The following MYH11 variants were observed in gnomAD, a reference collection of about 807,000 sequenced individuals.
MYH11 encodes the protein myosin heavy chain 11, also known as myosin-11.
In MYH11, 80 loss-of-function variants were observed where a neutral mutation model predicts 246.6. The observed-to-expected ratio is 0.32, with a 90% confidence interval of 0.27 to 0.39. The LOEUF (loss-of-function observed/expected upper bound fraction) is 0.39, where lower values mean the gene tolerates loss of function less well. Among genes scored for constraint, MYH11 ranks in the 10% least tolerant of loss-of-function variants. The pLI, the probability that MYH11 is intolerant of heterozygous loss-of-function variation, is 1.00. For synonymous variants in MYH11, 1,071 were observed against 1,015.5 expected (o/e 1.05, Z -1.04); for missense variants, 2,158 against 2,546.8 (o/e 0.85, Z 3.29).
intron 3 of MYH11, among the ~76,000 whole-genome samples, chr16:15,805,195 A>G (rs554197266): frequency 2.4e-4 from 36 of 152,304 alleles, no homozygotes; most frequent in African/African-American, 8.4e-4. Flanking sequence ...AACTATTTGC[A>G]TTGGTCATTT....
intron 16 of MYH11, among the ~76,000 whole-genome samples, chr16:15,749,008 A>T (rs59633415): frequency 0.058 from 8,861 of 152,080 alleles, 884 homozygotes; most frequent in African/African-American, 0.2. Context: ...GAGAAGGCCA[A>T]GCTCCAGAAA....
intron 27 of MYH11, among the ~76,000 whole-genome samples, chr16:15,727,556 A>G (rs998114377): frequency 1.3e-5 from 2 of 152,196 alleles, no homozygotes; most frequent in Non-Finnish European, 2.9e-5. Flanking sequence ...GAATCCCACA[A>G]GCGGTATCCA....
intron 2 of MYH11, among the ~76,000 whole-genome samples, chr16:15,837,178 G>C (rs1407602619): frequency 6.6e-6 from 1 of 152,140 alleles, no homozygotes; most frequent in Non-Finnish European, 1.5e-5. Flanking sequence ...GACAAGGAAG[G>C]CCTCCCTAAA....
intron 26 of MYH11, 121 bp downstream of exon 26, chr16:15,735,245 C>T (rs1271656437): frequency 3.8e-5 from 41 of 1,081,944 alleles, no homozygotes; most frequent in South Asian, 5.1e-5. Context: ...AAGCAAACCG[C>T]GGCCAGGAAG....
Position 15,723,473 on chromosome 16 carries a change from C to T in MYH11, c.4365+688G>A, listed in dbSNP as rs573064877. Among the ~76,000 whole-genome samples the T allele has an allele frequency of 1.0e-3, 157 of 152,154 alleles. 1 individual carries two copies. Among genetic ancestry groups the T allele is most frequent in the Non-Finnish European group, 1.9e-3 (126 of 68,006 alleles). On this transcript the variant is annotated intron_variant, in intron 31 of 40. Coordinates refer to ENST00000300036, the MANE Select transcript of MYH11 (RefSeq NM_002474.3). ...ACCAGCCTGGACAACATGGCAAAACCCCATCTCTACTAAAAATACAAAAAT... is the reference window on the plus strand; with the variant it reads ...ACCAGCCTGGACAACATGGCAAAACTCCATCTCTACTAAAAATACAAAAAT...
At chr16:15,716,682 C>G (rs907381107) in intron 38 of MYH11, among the ~76,000 whole-genome samples, 4 of 152,120 alleles carry the variant, frequency 2.6e-5, no homozygotes, top group Non-Finnish European at 4.4e-5. Flanking sequence ...CCACCACACT[C>G]GGCTAATTTT....
rs757920488 is a variant in MYH11, at chr16:15,842,762, CAAAAAAAAAAAAA to C, written c.-17-4506_-17-4494del. Among the ~76,000 whole-genome samples the C allele has an allele frequency of 9.3e-3, 183 of 19,682 alleles. 4 individuals carry two copies. The highest frequency in any genetic ancestry group is 0.033 in the East Asian group (14 of 422). 12.9% of individuals were successfully genotyped at this position (19,682 alleles called of 152,430 possible). ...CCAGGCAACAGAGCAAGACTTCATC[CAAAAAAAAAAAAA>C]AAAAAAAAAAAAAAAGGGCAGAGAA... On this transcript the variant is annotated intron_variant, in intron 1 of 40. Transcript: ENST00000300036.
intron 15 of MYH11, among the ~76,000 whole-genome samples, chr16:15,751,494 T>C (rs975851517): frequency 6.6e-6 from 1 of 150,484 alleles, no homozygotes; most frequent in Non-Finnish European, 1.5e-5. Context: ...ATCATCATCA[T>C]CACCTCCAAG....
chr16:15,760,021 T>C (rs1371833557), intron 11 of MYH11, among the ~76,000 whole-genome samples: 9 of 152,120 alleles, frequency 5.9e-5, no homozygotes, highest in African/African-American at 2.2e-4. Flanking sequence ...CGTTTGAATC[T>C]GGGAGGCAGA....
chr16:15,805,863 C>A (rs2042998144), intron 3 of MYH11, among the ~76,000 whole-genome samples: 1 of 152,096 alleles, frequency 6.6e-6, no homozygotes, highest in Admixed American at 6.6e-5. Flanking sequence ...TTGTAGTAAG[C>A]CACGACTGCA....
At chr16:15,710,788 C>T (rs912600439) in intron 40 of MYH11, among the ~76,000 whole-genome samples, 6 of 152,072 alleles carry the variant, frequency 3.9e-5, no homozygotes, top group Admixed American at 1.3e-4. Context: ...AAGGAGTGTC[C>T]TGTCTCAGCC....
intron 15 of MYH11, among the ~76,000 whole-genome samples, chr16:15,752,126 C>T (rs1161864919): frequency 1.3e-5 from 2 of 151,888 alleles, no homozygotes; most frequent in Non-Finnish European, 1.5e-5. Context: ...TTGAGAGTCT[C>T]ATCTCTCCCA....
chr16:15,747,614 G>T lies in MYH11; in HGVS notation c.2367C>A (p.Val789=). The T allele has an allele frequency of 6.2e-7, 1 of 1,614,130 alleles. No individual in the cohort carries two copies. Among genetic ancestry groups the T allele is most frequent in the South Asian group, 1.1e-5 (1 of 91,062 alleles). The change falls in exon 19 of 41, where the codon GTC becomes GTA. Residue 789 remains valine (V), a synonymous_variant. Transcript: ENST00000300036. The part of the protein sequence containing the change: ...EEERDLKITD[V]IMAFQAMCRG... ...GACACATCGCCTGGAAGGCCATGAT[G>T]ACATCGGTGATCTTCAAATCTCGCT...
chr16:15,760,680 C>T (rs1256215394), intron 10 of MYH11, 22 bp from the exon 11 acceptor site: 16 of 1,457,904 alleles, frequency 1.1e-5, no homozygotes, highest in East Asian at 2.3e-5. Context: ...AAAGAAACAT[C>T]GTGAGTGCAT....
At chr16:15,847,874 A>C (rs1006890030) in intron 1 of MYH11, among the ~76,000 whole-genome samples, 10 of 152,196 alleles carry the variant, frequency 6.6e-5, no homozygotes, top group African/African-American at 2.4e-4. Flanking sequence ...TTTCCATAGC[A>C]TGCCCCTTGG....
At chr16:15,827,100 A>T (rs147765708) in intron 2 of MYH11, among the ~76,000 whole-genome samples, 112 of 152,232 alleles carry the variant, frequency 7.4e-4, no homozygotes, top group African/African-American at 2.7e-3. Context: ...TGCCTGTCTA[A>T]ATAGCCATCA....
chr16:15,705,927 G>A (rs1177520881), intron 40 of MYH11, among the ~76,000 whole-genome samples: 1 of 137,008 alleles, frequency 7.3e-6, no homozygotes, highest in Admixed American at 8.0e-5. Flanking sequence ...GGAGCTTGCA[G>A]TGAGCCGAGA....
chr16:15,767,569 G>A (rs930154880), intron 9 of MYH11, among the ~76,000 whole-genome samples: 1 of 151,890 alleles, frequency 6.6e-6, no homozygotes, highest in African/African-American at 2.4e-5. Context: ...CTATCCTCCC[G>A]CCTCTGCCTC....
At chr16:15,705,404 C>T (rs1050427531) in intron 40 of MYH11, among the ~76,000 whole-genome samples, 8 of 152,108 alleles carry the variant, frequency 5.3e-5, no homozygotes, top group African/African-American at 1.9e-4. Context: ...GGGCTGGTCA[C>T]GTGAGGGGAG....
Sources: allele counts gnomAD v4.1 joint callset (sites outside exome capture counted in the v4.1 genomes callset), GRCh38; gene constraint gnomAD v4.1.1; transcripts MANE v1.5; gene names NCBI Gene and HGNC (gene_info 2026-07-23, HGNC 2026-07-21).